The following MAGI3 variants were observed in gnomAD, a reference collection of about 807,000 sequenced individuals.
The protein encoded by MAGI3 is membrane-associated guanylate kinase, WW and PDZ domain-containing protein 3.
Under a neutral mutation model 121.8 loss-of-function variants are expected in MAGI3, and 43 were observed. The ratio of observed to expected loss-of-function variants is 0.35; its 90% CI spans 0.28 to 0.46. The LOEUF is 0.46. MAGI3 is among the 20% of genes least tolerant of loss of function. MAGI3 has a pLI of 1.00. For synonymous variants in MAGI3, 553 were observed against 639.3 expected, an observed-to-expected ratio of 0.86 and a Z score of 2.04; for missense variants, 1,547 against 1,797.3, an observed-to-expected ratio of 0.86 and a Z score of 2.52.
chr1:113,469,951 C>G (rs1655464785), intron 1 of MAGI3, among the ~76,000 whole-genome samples: 1 of 152,112 alleles, frequency 6.6e-6, no homozygotes, highest in African/African-American at 2.4e-5. Context: ...TCATTTTTAA[C>G]ATGCTGCCAC....
intron 1 of MAGI3, among the ~76,000 whole-genome samples, chr1:113,440,619 G>A (rs1206691409): frequency 6.6e-6 from 1 of 152,128 alleles, no homozygotes; most frequent in East Asian, 1.9e-4. Context: ...CTGGAAAAGT[G>A]GAGAACAAGT....
At chr1:113,466,722 G>T (rs1384914282) in intron 1 of MAGI3, among the ~76,000 whole-genome samples, 2 of 152,022 alleles carry the variant, frequency 1.3e-5, no homozygotes, top group African/African-American at 2.4e-5. Flanking sequence ...ATATGTGCAA[G>T]AATTTACTCA....
chr1:113,452,455 T>TACACACACACACACACAC (rs4026203), intron 1 of MAGI3, among the ~76,000 whole-genome samples: 2 of 147,112 alleles, frequency 1.4e-5, no homozygotes, highest in Non-Finnish European at 3.0e-5. Flanking sequence ...TGCATAGACA[T>TACACACACACACACACAC]ACACACACAC....
chr1:113,481,289 T>A (rs1453591967), intron 1 of MAGI3, among the ~76,000 whole-genome samples: 1 of 152,228 alleles, frequency 6.6e-6, no homozygotes, highest in Admixed American at 6.5e-5. Flanking sequence ...CCAAATCTTA[T>A]AAACCTAGTT....
intron 1 of MAGI3, among the ~76,000 whole-genome samples, chr1:113,416,428 A>T (rs1452164165): frequency 1.5e-5 from 2 of 129,962 alleles, no homozygotes; most frequent in Non-Finnish European, 3.2e-5. Flanking sequence ...AATTAATAAT[A>T]TATATTAATT....
chr1:113,411,851 G>T (rs1377384235), intron 1 of MAGI3, among the ~76,000 whole-genome samples: 1 of 151,658 alleles, frequency 6.6e-6, no homozygotes, highest in African/African-American at 2.4e-5. Context: ...GTTTGTGAAA[G>T]AATTCCATAG....
chr1:113,433,577 A>T (rs1010349224), intron 1 of MAGI3, among the ~76,000 whole-genome samples: 15 of 152,220 alleles, frequency 9.9e-5, no homozygotes, highest in African/African-American at 2.9e-4. Context: ...GAGGCTATAC[A>T]GCTTTAATCC....
In MAGI3 at chr1:113,649,238, A is replaced by G. The variant is rs778587254; in HGVS notation, c.2157A>G (p.Pro719=). ...LKSKTLYEDK[P]PNTKDLDVFL... ...TTTATATTTTCTGATTTTCCTCAGC[A>G]CCAAACACCAAAGATTTGGATGTTT... The change falls in exon 13 of 21, where the codon CCA becomes CCG. Residue 719 remains proline (P), a splice_region_variant and synonymous_variant. Transcript: ENST00000307546. 6.8e-6 allele frequency: 11 copies of G among 1,610,854 alleles called. No homozygotes were observed. Among genetic ancestry groups the G allele is most frequent in the Non-Finnish European group, 9.3e-6 (11 of 1,178,976 alleles).
At chr1:113,535,348 C>A (rs1658922904) in intron 1 of MAGI3, among the ~76,000 whole-genome samples, 2 of 151,906 alleles carry the variant, frequency 1.3e-5, no homozygotes, top group South Asian at 4.2e-4. Flanking sequence ...GATAAAAATT[C>A]TTCATTGTCT....
chr1:113,517,059 G>A (rs1414619985), intron 1 of MAGI3, among the ~76,000 whole-genome samples: 1 of 151,896 alleles, frequency 6.6e-6, no homozygotes, highest in Non-Finnish European at 1.5e-5. Flanking sequence ...GATAAGGGAA[G>A]CCTAAGGAAA....
intron 3 of MAGI3, 120 bp from the exon 4 acceptor site, chr1:113,585,267 C>G (rs536278414): frequency 1.2e-5 from 10 of 867,596 alleles, no homozygotes; most frequent in Admixed American, 4.9e-5. Flanking sequence ...CATGCCCACC[C>G]CTATGGTAGA....
chr1:113,605,912 C>T (rs1391339582), intron 6 of MAGI3, among the ~76,000 whole-genome samples: 1 of 150,958 alleles, frequency 6.6e-6, no homozygotes, highest in Admixed American at 6.6e-5. Context: ...TTTTTTTTTA[C>T]CATTAAAAGG....
At chr1:113,598,971 C>A (rs1011457861) in intron 6 of MAGI3, among the ~76,000 whole-genome samples, 1 of 152,106 alleles carries the variant, frequency 6.6e-6, no homozygotes, top group Non-Finnish European at 1.5e-5. Context: ...CTTTTGTGGG[C>A]ATTTAGTGCT....
intron 1 of MAGI3, among the ~76,000 whole-genome samples, chr1:113,531,947 T>C (rs1658749223): frequency 6.6e-6 from 1 of 152,212 alleles, no homozygotes; most frequent in Admixed American, 6.5e-5. Flanking sequence ...TTGGAATTTC[T>C]TACACAGTTT....
chr1:113,590,564 T>G lies in MAGI3; in HGVS notation c.844T>G (p.Phe282Val). 6.2e-7 allele frequency: 1 copy of G among 1,613,754 alleles called. No individual in the cohort carries two copies. The highest frequency in any genetic ancestry group is 1.3e-5 in the African/African-American group (1 of 75,020). The change falls in exon 5 of 21, where the codon TTT becomes GTT. Residue 282 changes from phenylalanine to valine, a missense_variant. Coordinates refer to ENST00000307546, the MANE Select transcript of MAGI3 (RefSeq NM_001142782.2). The stretch of plus-strand genomic sequence containing the variant: ...CAACCAAACAAATAGCTCCATGGAC[T>G]TTAGAAATTATATGATGAGAGATGA... ...SYNQTNSSMD[F>V]RNYMMRDETL...
At chr1:113,447,956 C>T (rs1654267560) in intron 1 of MAGI3, among the ~76,000 whole-genome samples, 1 of 152,154 alleles carries the variant, frequency 6.6e-6, no homozygotes, top group Non-Finnish European at 1.5e-5. Context: ...TTCTGCTTAG[C>T]CCCTGGCAAC....
intron 1 of MAGI3, among the ~76,000 whole-genome samples, chr1:113,444,181 CAGA>C (rs1479103135): frequency 6.6e-6 from 1 of 152,218 alleles, no homozygotes; most frequent in Non-Finnish European, 1.5e-5. Flanking sequence ...ACAGGTGTTC[CAGA>C]AACAGTTTTC....
intron 19 of MAGI3, among the ~76,000 whole-genome samples, chr1:113,677,773 C>A (rs1032361891): frequency 2.6e-5 from 4 of 151,904 alleles, no homozygotes; most frequent in African/African-American, 9.7e-5. Context: ...TCTTCTCTGT[C>A]CCCATAATTA....
In MAGI3 at chr1:113,391,384, G is replaced by C. The variant is rs759414243; in HGVS notation, c.316+35G>C. On this transcript the variant is annotated intron_variant, in intron 1 of 20. Transcript: ENST00000307546. The surrounding 1 kb of genome is among the most constrained non-coding windows in gnomAD (Gnocchi z 4.4). ...CCCTGCGTATCTGTCTCGGGGTGTT[G>C]GGGAGAGGGGCTTCAGGGTGGGCGT... 1.3e-4 allele frequency: 195 copies of C among 1,559,832 alleles called. No individual in the cohort carries two copies. Among genetic ancestry groups the C allele is most frequent in the Non-Finnish European group, 1.6e-5 (18 of 1,153,076 alleles).
Sources: gnomAD v4.1 joint callset for allele counts (sites outside exome capture counted in the v4.1 genomes callset) on GRCh38, gnomAD v4.1.1 for gene constraint, Gnocchi (gnomAD v3.1) non-coding constraint, MANE v1.5 for transcripts, NCBI Gene and HGNC (gene_info 2026-07-23, HGNC 2026-07-21) for gene names.